GRM7: variants seen among roughly 807,000 people sequenced by gnomAD.
GRM7 encodes the protein glutamate metabotropic receptor 7, also known as metabotropic glutamate receptor 7.
In GRM7, 35 loss-of-function variants were observed where a neutral mutation model predicts 84.5. That is an observed-to-expected ratio of 0.41 (90% CI 0.32 to 0.55). The LOEUF is 0.55. GRM7 is among the 20% of genes least tolerant of loss of function. The pLI, the probability that GRM7 is intolerant of heterozygous loss-of-function variation, is 0.19. For missense variants in GRM7, 1,003 were observed against 1,194.6 expected (o/e 0.84, Z 2.36); for synonymous variants, 487 against 455.1 (o/e 1.07, Z -0.89).
rs185577743 is a variant in GRM7, at chr3:7,392,348, C to T, written c.1034-22675C>T. Among the ~76,000 whole-genome samples, 10 of 152,370 alleles carry T rather than the reference C, an allele frequency of 6.6e-5. No homozygotes were observed. In the East Asian group the frequency reaches 1.9e-3, roughly 29 times the overall value. ...GAGACAGGGAAGAGTCTAATTCCAG[C>T]ACCTACTGCTGTGGGTGTTCTCCAT... On this transcript the variant is annotated intron_variant, in intron 4 of 9. Transcript: ENST00000357716.
At chr3:7,351,775 T>G (rs1358017881) in intron 4 of GRM7, among the ~76,000 whole-genome samples, 1 of 151,960 alleles carries the variant, frequency 6.6e-6, no homozygotes, top group Non-Finnish European at 1.5e-5. Flanking sequence ...ATGTTGCTTT[T>G]TGGCCTTTGG....
chr3:7,110,428 C>A (rs1162763794), intron 1 of GRM7, among the ~76,000 whole-genome samples: 1 of 151,946 alleles, frequency 6.6e-6, no homozygotes, highest in Non-Finnish European at 1.5e-5. Flanking sequence ...TGGTGAAACC[C>A]CATTTCTACT....
At chr3:7,059,696 G>A (rs762321810) in intron 1 of GRM7, among the ~76,000 whole-genome samples, 7 of 151,632 alleles carry the variant, frequency 4.6e-5, no homozygotes, top group Non-Finnish European at 8.8e-5. Context: ...TTGATTTTTG[G>A]AAGGTAATTG....
At chr3:7,269,216 A>T (rs961924652) in intron 2 of GRM7, among the ~76,000 whole-genome samples, 1 of 152,174 alleles carries the variant, frequency 6.6e-6, no homozygotes, top group Non-Finnish European at 1.5e-5. Flanking sequence ...TGCCCCTGAA[A>T]ACAAATATAT....
chr3:7,613,877 C>T (rs1696957957), intron 8 of GRM7, among the ~76,000 whole-genome samples: 1 of 152,124 alleles, frequency 6.6e-6, no homozygotes, highest in Admixed American at 6.5e-5. Flanking sequence ...AGTTTTGATA[C>T]CACTGTTGTT....
rs1695091135 is a variant in GRM7 at position 7,578,795 on chromosome 3, A to G, written c.1889A>G (p.Tyr630Cys). The change falls in exon 8 of 10, where the codon TAT becomes TGT. Residue 630 changes from tyrosine (Y) to cysteine (C), a missense_variant. This residue lies in a region of GRM7 where 910 missense variants were observed against 1,126.0 expected (regional missense o/e 0.81). Coordinates refer to ENST00000357716, the MANE Select transcript of GRM7 (RefSeq NM_000844.4). ...IVRASGRELS[Y>C]VLLTGIFLCY... ...CGGGCATCTGGGCGGGAACTCAGCT[A>G]TGTTCTTTTGACGGGCATCTTTCTT... 1 of 1,614,060 alleles carries G rather than the reference A, an allele frequency of 6.2e-7. No individual in the cohort carries two copies. Among genetic ancestry groups the G allele is most frequent in the Non-Finnish European group, 8.5e-7 (1 of 1,179,998 alleles).
intron 1 of GRM7, among the ~76,000 whole-genome samples, chr3:7,088,913 A>G (rs1698559237): frequency 6.6e-6 from 1 of 152,012 alleles, no homozygotes; most frequent in Non-Finnish European, 1.5e-5. Flanking sequence ...CTGTGAGGGT[A>G]TACATACAGC....
chr3:7,597,743 C>A (rs1283663752), intron 8 of GRM7, among the ~76,000 whole-genome samples: 1 of 152,068 alleles, frequency 6.6e-6, no homozygotes, highest in African/African-American at 2.4e-5. Flanking sequence ...TTGCTAGGAC[C>A]ATGGATGACA....
chr3:7,032,337 A>T (rs1341210390), intron 1 of GRM7, among the ~76,000 whole-genome samples: 1 of 152,200 alleles, frequency 6.6e-6, no homozygotes, highest in Admixed American at 6.5e-5. Context: ...ATTTGGTTAG[A>T]TGTGAGTAGT....
intron 1 of GRM7, among the ~76,000 whole-genome samples, chr3:7,125,729 C>T (rs976650226): frequency 2.0e-5 from 3 of 152,216 alleles, no homozygotes; most frequent in African/African-American, 7.2e-5. Context: ...GACTGTTTCA[C>T]ATCACTCTAT....
intron 4 of GRM7, among the ~76,000 whole-genome samples, chr3:7,372,105 T>C (rs1694162995): frequency 6.6e-6 from 1 of 151,970 alleles, no homozygotes. Context: ...CATTCTAAGT[T>C]ATGGAAGTAG....
intron 9 of GRM7, chr3:7,680,880 G>A (rs1700340980): frequency 6.5e-6 from 1 of 153,210 alleles, no homozygotes; most frequent in Admixed American, 6.5e-5. Context: ...CTGGAGAAGA[G>A]TTTTATTCTA....
intron 9 of GRM7, chr3:7,682,366 A>G (rs1017698344): frequency 5.8e-5 from 8 of 137,906 alleles, no homozygotes; most frequent in African/African-American, 2.2e-4. Context: ...AGAAAAAGAA[A>G]AAAAAGAGAA....
intron 4 of GRM7, among the ~76,000 whole-genome samples, chr3:7,330,029 A>G (rs983808240): frequency 6.6e-6 from 1 of 152,122 alleles, no homozygotes; most frequent in African/African-American, 2.4e-5. Context: ...TGAGAAGAAG[A>G]AAGGTAATTA....
intron 8 of GRM7, among the ~76,000 whole-genome samples, chr3:7,601,730 A>C (rs571376965): frequency 1.3e-5 from 2 of 152,200 alleles, no homozygotes; most frequent in East Asian, 3.9e-4. Context: ...TTCATGCTCA[A>C]AATATGCTAC....
intron 4 of GRM7, among the ~76,000 whole-genome samples, chr3:7,311,400 A>T (rs1700387303): frequency 6.6e-6 from 1 of 152,162 alleles, no homozygotes; most frequent in Admixed American, 6.5e-5. Flanking sequence ...GACCATACAT[A>T]AGAAAGGATC....
intron 4 of GRM7, among the ~76,000 whole-genome samples, chr3:7,398,767 C>T (rs1161974527): frequency 6.6e-6 from 1 of 152,052 alleles, no homozygotes; most frequent in Non-Finnish European, 1.5e-5. Context: ...GAGCCTTAAA[C>T]CTACATCCAG....
At chr3:7,232,706 T>C (rs1468416965) in intron 2 of GRM7, among the ~76,000 whole-genome samples, 2 of 152,184 alleles carry the variant, frequency 1.3e-5, no homozygotes, top group Non-Finnish European at 1.5e-5. Context: ...TGATTTAACT[T>C]ATTGATTCAA....
chr3:7,274,035 C>A (rs1165183840), intron 2 of GRM7, among the ~76,000 whole-genome samples: 1 of 150,974 alleles, frequency 6.6e-6, no homozygotes, highest in Non-Finnish European at 1.5e-5. Context: ...TTATTTTTGC[C>A]TTTTACTTGG....
Sources: gnomAD v4.1 joint callset for allele counts (sites outside exome capture counted in the v4.1 genomes callset) on GRCh38, gnomAD v4.1.1 for gene constraint, gnomAD v4.1.1 regional missense constraint, MANE v1.5 for transcripts, NCBI Gene and HGNC (gene_info 2026-07-23, HGNC 2026-07-21) for gene names.